Variants in SYT7 observed in about 807,000 individuals in gnomAD.
SYT7 encodes the protein synaptotagmin 7, also known as synaptotagmin-7.
A neutral mutation model predicts 75.1 loss-of-function variants in SYT7; 29 were observed. That is an observed-to-expected ratio of 0.39 (90% CI 0.29 to 0.53). SYT7 has a LOEUF of 0.53. Among genes scored for constraint, SYT7 ranks in the 20% least tolerant of loss-of-function variants. SYT7 has a pLI of 0.77. For synonymous variants in SYT7, 376 were observed against 401.7 expected (o/e 0.94, Z 0.76); for missense variants, 693 against 953.2 (o/e 0.73, Z 3.59).
chr11:61,549,497 C>A (rs545249869), intron 3 of SYT7, among the ~76,000 whole-genome samples: 112 of 152,326 alleles, frequency 7.4e-4, no homozygotes, highest in African/African-American at 2.6e-3. Context: ...GAAAGCACTG[C>A]TAAAGAACAC....
intron 2 of SYT7, among the ~76,000 whole-genome samples, chr11:61,552,842 C>T (rs2063392522): frequency 1.3e-5 from 2 of 152,206 alleles, no homozygotes; most frequent in African/African-American, 2.4e-5. Context: ...GAAATGGTGT[C>T]GCCATATGAA....
chr11:61,532,918 C>T lies in SYT7; in HGVS notation c.1200+71G>A. Reference sequence around the variant, plus strand: ...CCATGCTGTTAATCATTCCCACACACATCCCTCTTCTTCCTGCCCCTGGCC... The same window carrying T: ...CCATGCTGTTAATCATTCCCACACATATCCCTCTTCTTCCTGCCCCTGGCC... On this transcript the variant is annotated intron_variant, in intron 8 of 12. Coordinates refer to ENST00000539008, the MANE Select transcript of SYT7 (RefSeq NM_001365809.2). 1.9e-6 allele frequency: 3 copies of T among 1,588,794 alleles called. 1 individual carries two copies. Among genetic ancestry groups the T allele is most frequent in the Admixed American group, 3.4e-5 (2 of 59,274 alleles).
intron 1 of SYT7, 122 bp from the exon 2 acceptor site, chr11:61,556,329 C>CCCA: frequency 1.4e-6 from 1 of 737,090 alleles, no homozygotes; most frequent in Non-Finnish European, 2.2e-6. Flanking sequence ...GAGCTCTGAA[C>CCCA]CCAGGTTCTA....
At position 61,551,737 on chromosome 11, in the gene SYT7, T is replaced by C. The variant is rs1324139682; in HGVS notation, c.136-274A>G. ...GACTCCCAGGGATCAGCCCCTCCTG[T>C]CTGCCTATCTCCTGGGGCTCTGGCC... is the stretch of plus-strand genomic sequence containing the variant. On this transcript the variant is annotated intron_variant, in intron 2 of 12. Coordinates refer to ENST00000539008, the MANE Select transcript of SYT7 (RefSeq NM_001365809.2). This position sits in a 1 kb window ranked among gnomAD's most constrained non-coding sequence, Gnocchi z 5.3. Among the ~76,000 whole-genome samples the C allele has an allele frequency of 6.6e-6, 1 of 152,086 alleles. No individual in the cohort carries two copies. The highest frequency in any genetic ancestry group is 1.9e-4 in the East Asian group (1 of 5,174).
chr11:61,574,849 C>T (rs917493141), intron 1 of SYT7, among the ~76,000 whole-genome samples: 2 of 152,058 alleles, frequency 1.3e-5, no homozygotes, highest in African/African-American at 4.8e-5. Flanking sequence ...AATTTGTACC[C>T]AGGGCCCCGC....
At chr11:61,566,739 T>A (rs1361478685) in intron 1 of SYT7, among the ~76,000 whole-genome samples, 1 of 152,238 alleles carries the variant, frequency 6.6e-6, no homozygotes, top group Non-Finnish European at 1.5e-5. Flanking sequence ...CTCCTATGAA[T>A]AATGCATTGT....
At chr11:61,585,378 G>T (rs1193313710), upstream of SYT7, among the ~76,000 whole-genome samples, 1 of 152,164 alleles carries the variant, frequency 6.6e-6, no homozygotes, top group Admixed American at 6.5e-5. Context: ...AAGAGACTCA[G>T]GCTGAGCATT....
At position 61,517,829 on chromosome 11, in the gene SYT7, C is replaced by T. The variant is rs1192037373; in HGVS notation, c.*798G>A. 5.9e-6 allele frequency: 2 copies of T among 339,736 alleles called. No homozygotes were observed. The highest frequency in any genetic ancestry group is 1.1e-5 in the Non-Finnish European group (2 of 190,402). 21.0% of individuals were successfully genotyped at this position (339,736 alleles called of 1,614,324 possible). On this transcript the variant is annotated 3_prime_UTR_variant, in exon 13 of 13. Coordinates refer to ENST00000539008, the MANE Select transcript of SYT7 (RefSeq NM_001365809.2). Reference sequence around the variant, plus strand: ...ACTTCAGATTCTGAGCAGAGGGGGGCACCAAGGGGAGAAGGGGAGGAGACG... The same window carrying T: ...ACTTCAGATTCTGAGCAGAGGGGGGTACCAAGGGGAGAAGGGGAGGAGACG...
chr11:61,581,664 G>T (rs1280370088), upstream of SYT7, among the ~76,000 whole-genome samples: 2 of 152,222 alleles, frequency 1.3e-5, no homozygotes, highest in African/African-American at 4.8e-5. Context: ...AGGTGGAGCC[G>T]AAAGGGCTAA....
chr11:61,586,683 A>G, the SYT7 span, among the ~76,000 whole-genome samples: 1 of 152,102 alleles, frequency 6.6e-6, no homozygotes, highest in Non-Finnish European at 1.5e-5. Flanking sequence ...TCCAGATGAA[A>G]AGCCCCTGGC....
Position 61,581,020 on chromosome 11 carries a change from G to T in SYT7, c.-200C>A. 2 of 871,120 alleles carry T rather than the reference G, an allele frequency of 2.3e-6. No individual in the cohort carries two copies. Among genetic ancestry groups the T allele is most frequent in the South Asian group, 5.1e-5 (1 of 19,758 alleles). The allele number at this position is 871,120 out of a possible 1,614,324, so 54.0% of individuals were successfully genotyped here. A position where few individuals can be genotyped will look rare whatever the true frequency, so the allele number is the denominator to read the frequency against. On this transcript the variant is annotated 5_prime_UTR_variant, in exon 1 of 13. Coordinates refer to ENST00000539008, the MANE Select transcript of SYT7 (RefSeq NM_001365809.2). ...CTCCCGCCCGCCCGCGGAGCACGCT[G>T]CCGCCGCCGCCGAACAGCGCCGAGC...
intron 2 of SYT7, among the ~76,000 whole-genome samples, chr11:61,554,509 G>C (rs1047205255): frequency 3.3e-5 from 5 of 151,968 alleles, no homozygotes; most frequent in African/African-American, 1.2e-4. Context: ...AACACATTCA[G>C]CACAGACTCC....
Position 61,524,993 on chromosome 11 carries a change from G to A in SYT7, c.1472-461C>T, listed in dbSNP as rs1389451874. Among the ~76,000 whole-genome samples, 6 of 152,204 alleles carry A rather than the reference G, an allele frequency of 3.9e-5. No homozygotes were observed. Among genetic ancestry groups the A allele is most frequent in the Admixed American group, 6.5e-5 (1 of 15,284 alleles). ...GGGCAGAGGGACATGGGGAAGCATC[G>A]GTGGGAGGGAAAAGGCAAAGGCACA... On this transcript the variant is annotated intron_variant, in intron 9 of 12. Transcript: ENST00000539008. The surrounding 1 kb of genome is among the most constrained non-coding windows in gnomAD (Gnocchi z 4.1).
intron 1 of SYT7, among the ~76,000 whole-genome samples, chr11:61,578,463 A>G (rs1185042735): frequency 6.6e-6 from 1 of 151,504 alleles, no homozygotes; most frequent in African/African-American, 2.4e-5. Flanking sequence ...ACCAGAGGGG[A>G]GGGGAGGGGT....
chr11:61,574,563 C>T (rs2064014962), intron 1 of SYT7, among the ~76,000 whole-genome samples: 1 of 151,994 alleles, frequency 6.6e-6, no homozygotes. Context: ...AGCACAAAAC[C>T]CCCATTCCTG....
At chr11:61,573,085 C>T (rs976339793) in intron 1 of SYT7, among the ~76,000 whole-genome samples, 1 of 152,210 alleles carries the variant, frequency 6.6e-6, no homozygotes, top group Admixed American at 6.5e-5. Flanking sequence ...GGGGGTGGCC[C>T]GTCTAGTTGC....
intron 5 of SYT7, among the ~76,000 whole-genome samples, chr11:61,545,275 G>A (rs1388004903): frequency 6.6e-6 from 1 of 152,188 alleles, no homozygotes; most frequent in African/African-American, 2.4e-5. Context: ...CAGAGGGGAC[G>A]GCTCCTTCTG....
chr11:61,547,754 A>G (rs547920007), intron 3 of SYT7, among the ~76,000 whole-genome samples: 1 of 152,300 alleles, frequency 6.6e-6, no homozygotes, highest in African/African-American at 2.4e-5. Context: ...AAGGCAGATC[A>G]GGCCCAGGTG....
In SYT7 at chr11:61,542,087, T is replaced by C. The variant is rs1237003050; in HGVS notation, c.941+124A>G. 3.0e-6 allele frequency: 4 copies of C among 1,335,352 alleles called. No homozygotes were observed. The African/African-American group carries it at 6.1e-5, about 20-fold the overall frequency. 82.7% of individuals were successfully genotyped at this position (1,335,352 alleles called of 1,614,324 possible). On this transcript the variant is annotated intron_variant, in intron 6 of 12. Transcript: ENST00000539008. The surrounding 1 kb of genome is among the most constrained non-coding windows in gnomAD (Gnocchi z 7.8). ...TAAGGAGGGGGCTGCCAAGTCTGCT[T>C]GGCACCCTGCCAAGGGGATGGAGGG...
Sources: allele counts gnomAD v4.1 joint callset (sites outside exome capture counted in the v4.1 genomes callset), GRCh38; gene constraint gnomAD v4.1.1; non-coding constraint Gnocchi (gnomAD v3.1); transcripts MANE v1.5; gene names NCBI Gene and HGNC (gene_info 2026-07-23, HGNC 2026-07-21).